DOCK2: variants seen among roughly 807,000 people sequenced by gnomAD.
DOCK2 encodes the protein dedicator of cytokinesis protein 2.
DOCK2 carries 87 observed loss-of-function variants against 248.9 expected under a neutral mutation model. The ratio of observed to expected loss-of-function variants is 0.35; its 90% confidence interval spans 0.29 to 0.42. The LOEUF (loss-of-function observed/expected upper bound fraction) is 0.42, where lower values mean the gene tolerates loss of function less well. DOCK2 is among the 10% of genes least tolerant of loss of function. DOCK2 has a pLI of 1.00. For synonymous variants in DOCK2, 805 were observed against 821.6 expected (o/e 0.98, Z 0.35); for missense variants, 1,747 against 2,300.2 (o/e 0.76, Z 4.92).
chr5:170,010,628 A>G (rs577993529), intron 32 of DOCK2, among the ~76,000 whole-genome samples: 3 of 152,360 alleles, frequency 2.0e-5, no homozygotes, highest in South Asian at 2.1e-4. Flanking sequence ...TGGGTTTTTC[A>G]ATGTATTTTC....
chr5:169,931,858 C>T (rs1229347006), intron 27 of DOCK2, among the ~76,000 whole-genome samples: 1 of 152,224 alleles, frequency 6.6e-6, no homozygotes, highest in Non-Finnish European at 1.5e-5. Flanking sequence ...TGAACTGCTT[C>T]CCTCCTGCCT....
intron 27 of DOCK2, among the ~76,000 whole-genome samples, chr5:169,947,264 G>A (rs965374021): frequency 6.6e-5 from 10 of 152,198 alleles, no homozygotes; most frequent in African/African-American, 2.4e-4. Flanking sequence ...TCACTTGAAT[G>A]TATTAACAAA....
chr5:169,984,982 G>A (rs1249010529), intron 28 of DOCK2, among the ~76,000 whole-genome samples: 1 of 152,098 alleles, frequency 6.6e-6, no homozygotes, highest in South Asian at 2.1e-4. Context: ...GCAGTGGCAC[G>A]ATCTTGGCTC....
At chr5:170,007,652 G>A (rs1441132180) in intron 30 of DOCK2, among the ~76,000 whole-genome samples, 1 of 152,138 alleles carries the variant, frequency 6.6e-6, no homozygotes, top group African/African-American at 2.4e-5. Context: ...ATTGCCATCA[G>A]TGTGGCTAAT....
intron 25 of DOCK2, among the ~76,000 whole-genome samples, chr5:169,778,097 T>G (rs1196932698): frequency 1.3e-5 from 2 of 152,240 alleles, no homozygotes; most frequent in African/African-American, 4.8e-5. Context: ...CACCTTCCAC[T>G]GCCACAAGTG....
At chr5:169,673,705 G>T (rs1385877606) in intron 5 of DOCK2, among the ~76,000 whole-genome samples, 1 of 152,040 alleles carries the variant, frequency 6.6e-6, no homozygotes, top group Non-Finnish European at 1.5e-5. Flanking sequence ...CTCTCTGTTT[G>T]TTAAAAAAGA....
intron 41 of DOCK2, 141 bp from the exon 42 acceptor site, chr5:170,055,164 G>A: frequency 1.4e-6 from 1 of 714,336 alleles, no homozygotes; most frequent in Non-Finnish European, 2.4e-6. Flanking sequence ...TGCCTAGTGG[G>A]CAGCCAGCAA....
At chr5:170,022,203 T>TAC (rs2113824895) in intron 33 of DOCK2, among the ~76,000 whole-genome samples, 1 of 152,320 alleles carries the variant, frequency 6.6e-6, no homozygotes, top group Admixed American at 6.5e-5. Flanking sequence ...GGCTTTACTT[T>TAC]TTGGGAAAGG....
chr5:170,025,718 C>T (rs1183105868), intron 33 of DOCK2, among the ~76,000 whole-genome samples: 2 of 152,130 alleles, frequency 1.3e-5, no homozygotes, highest in Non-Finnish European at 2.9e-5. Flanking sequence ...TGCAGACTGG[C>T]AGTCTAGACT....
At chr5:170,038,248 A>C (rs1311743426) in intron 36 of DOCK2, among the ~76,000 whole-genome samples, 1 of 152,196 alleles carries the variant, frequency 6.6e-6, no homozygotes, top group East Asian at 1.9e-4. Flanking sequence ...TATGGCTGCC[A>C]CATGGTTTCC....
At chr5:169,758,265 A>G (rs1267071288) in intron 23 of DOCK2, among the ~76,000 whole-genome samples, 1 of 152,214 alleles carries the variant, frequency 6.6e-6, no homozygotes, top group Non-Finnish European at 1.5e-5. Context: ...GTATATTTAC[A>G]TACACACACA....
intron 26 of DOCK2, among the ~76,000 whole-genome samples, chr5:169,822,125 T>C (rs1379796603): frequency 2.6e-5 from 4 of 152,190 alleles, no homozygotes; most frequent in East Asian, 1.9e-4. Flanking sequence ...AAGCAAGTCC[T>C]TAGAGACCTA....
At chr5:169,946,477 C>T (rs1373412610) in intron 27 of DOCK2, among the ~76,000 whole-genome samples, 1 of 152,186 alleles carries the variant, frequency 6.6e-6, no homozygotes, top group African/African-American at 2.4e-5. Flanking sequence ...TTGATCTTTA[C>T]CCCAGCTCCT....
intron 26 of DOCK2, among the ~76,000 whole-genome samples, chr5:169,818,164 A>G (rs1768187072): frequency 6.6e-6 from 1 of 152,202 alleles, no homozygotes; most frequent in South Asian, 2.1e-4. Flanking sequence ...GGCAGAGATT[A>G]GAGCTCACAT....
chr5:169,793,330 T>C (rs1766465244), intron 25 of DOCK2, among the ~76,000 whole-genome samples: 1 of 152,160 alleles, frequency 6.6e-6, no homozygotes, highest in Non-Finnish European at 1.5e-5. Flanking sequence ...CTGCTGCAAA[T>C]GAATCAAGCT....
chr5:170,001,020 G>A (rs1754813202), intron 30 of DOCK2, among the ~76,000 whole-genome samples: 1 of 152,154 alleles, frequency 6.6e-6, no homozygotes, highest in Non-Finnish European at 1.5e-5. Flanking sequence ...TGGGATGGTT[G>A]GTTCCACCAG....
chr5:169,996,852 G>T (rs1754654994), intron 30 of DOCK2, among the ~76,000 whole-genome samples: 1 of 152,204 alleles, frequency 6.6e-6, no homozygotes, highest in South Asian at 2.1e-4. Context: ...TCATGAACTG[G>T]AATGATGGTG....
chr5:169,697,791 C>A (rs1226413580), intron 10 of DOCK2, among the ~76,000 whole-genome samples: 1 of 152,136 alleles, frequency 6.6e-6, no homozygotes, highest in Non-Finnish European at 1.5e-5. Flanking sequence ...CCTACACTCC[C>A]ACTTCTATAA....
intron 26 of DOCK2, among the ~76,000 whole-genome samples, chr5:169,829,228 G>A (rs1333675418): frequency 1.3e-5 from 2 of 152,068 alleles, no homozygotes; most frequent in African/African-American, 4.8e-5. Context: ...TCATCACCAC[G>A]GAGTCCTGTT....
Sources: gnomAD v4.1 joint callset for allele counts (sites outside exome capture counted in the v4.1 genomes callset) on GRCh38, gnomAD v4.1.1 for gene constraint, MANE v1.5 for transcripts, NCBI Gene and HGNC (gene_info 2026-07-23, HGNC 2026-07-21) for gene names.